Variants in NRXN3 observed in about 807,000 individuals in gnomAD.
The protein encoded by NRXN3 is neurexin III.
A neutral mutation model predicts 137.6 loss-of-function variants in NRXN3; 32 were observed. That is an observed-to-expected ratio of 0.23 (90% CI 0.18 to 0.31). The LOEUF is 0.31. Ranked by LOEUF, NRXN3 falls within the 10% of genes least tolerant of loss-of-function variation. The pLI, the probability that NRXN3 is intolerant of heterozygous loss-of-function variation, is 1.00. For synonymous variants in NRXN3, 798 were observed against 784.5 expected (o/e 1.02, Z -0.29); for missense variants, 1,574 against 2,062.5 (o/e 0.76, Z 4.59).
At chr14:79,850,583 G>A (rs1310404754) in intron 20 of NRXN3, among the ~76,000 whole-genome samples, 1 of 152,124 alleles carries the variant, frequency 6.6e-6, no homozygotes, top group Non-Finnish European at 1.5e-5. Flanking sequence ...ATTAGGACAT[G>A]GTGGGATAAA....
chr14:79,617,917 C>CAAAAAAAAAAAAAAAAAAAAAA lies in NRXN3; in HGVS notation c.3445-45846_3445-45845insAAAAAAAAAAAAAAAAAAAAAA, dbSNP rs1162153685. 2.8e-3 allele frequency among the ~76,000 whole-genome samples: 256 copies of CAAAAAAAAAAAAAAAAAAAAAA among 91,230 alleles called. 24 individuals are homozygous for CAAAAAAAAAAAAAAAAAAAAAA. The highest frequency in any genetic ancestry group is 0.02 in the East Asian group (57 of 2,862). 59.9% of individuals were successfully genotyped at this position (91,230 alleles called of 152,430 possible). On this transcript the variant is annotated intron_variant, in intron 16 of 20. Transcript: ENST00000335750. ...TTCAGAGATAGGAGCTGAATAGCAG[C>CAAAAAAAAAAAAAAAAAAAAAA]AAAAAAAAAAAAAAACATGCTTATG...
chr14:79,437,454 C>T (rs2095863238), intron 15 of NRXN3, among the ~76,000 whole-genome samples: 1 of 151,484 alleles, frequency 6.6e-6, no homozygotes, highest in African/African-American at 2.4e-5. Flanking sequence ...CCCATTAAAC[C>T]TCTAGTTTAA....
At chr14:78,763,604 A>G (rs1256776044) in intron 8 of NRXN3, among the ~76,000 whole-genome samples, 1 of 152,194 alleles carries the variant, frequency 6.6e-6, no homozygotes, top group Non-Finnish European at 1.5e-5. Context: ...ATAATGACAC[A>G]TGATGGTGAT....
intron 4 of NRXN3, among the ~76,000 whole-genome samples, chr14:78,536,027 A>G (rs750007625): frequency 1.3e-5 from 2 of 152,120 alleles, no homozygotes; most frequent in Non-Finnish European, 2.9e-5. Context: ...TAATTCTTAA[A>G]GCAAAAAATG....
At chr14:78,319,489 C>T (rs923187068) in intron 4 of NRXN3, among the ~76,000 whole-genome samples, 1 of 152,150 alleles carries the variant, frequency 6.6e-6, no homozygotes, top group South Asian at 2.1e-4. Context: ...TTCTGGGGGC[C>T]TACATGATTC....
chr14:79,500,065 C>G (rs1316205504), intron 16 of NRXN3, among the ~76,000 whole-genome samples: 3 of 150,728 alleles, frequency 2.0e-5, no homozygotes, highest in Admixed American at 2.0e-4. Context: ...GGTTATAAAT[C>G]TAGACTTATG....
At chr14:79,164,429 TTTTG>T (rs2061100550) in intron 15 of NRXN3, among the ~76,000 whole-genome samples, 1 of 152,034 alleles carries the variant, frequency 6.6e-6, no homozygotes, top group African/African-American at 2.4e-5. Context: ...ATCTAGTCCA[TTTTG>T]TTTATGTGTC....
intron 15 of NRXN3, among the ~76,000 whole-genome samples, chr14:79,013,097 A>G (rs1463112066): frequency 1.3e-5 from 2 of 152,118 alleles, no homozygotes; most frequent in Non-Finnish European, 1.5e-5. Flanking sequence ...TAGCTATGGG[A>G]CTTTTCAGCT....
chr14:79,618,352 CT>C (rs1158247564), intron 16 of NRXN3, among the ~76,000 whole-genome samples: 1 of 152,196 alleles, frequency 6.6e-6, no homozygotes, highest in African/African-American at 2.4e-5. Context: ...TTCCCTCCCC[CT>C]CTAGTAATCC....
intron 4 of NRXN3, among the ~76,000 whole-genome samples, chr14:78,543,553 G>A (rs1038276848): frequency 4.6e-5 from 7 of 152,062 alleles, no homozygotes; most frequent in Middle Eastern, 3.2e-3. Context: ...CATCTCTCTT[G>A]GTGGGGGTCT....
In NRXN3 at chr14:78,573,101, C is replaced by T. The variant is rs1305159719; in HGVS notation, c.758-72019C>T. On this transcript the variant is annotated intron_variant, in intron 4 of 20. Coordinates refer to ENST00000335750, the MANE Select transcript of NRXN3 (RefSeq NM_001330195.2). ...ACCCCTTTTGCTTGGCACTCATTCT[C>T]TATCCTACTGCCCCGTGAAGAGATG... 1.3e-5 allele frequency among the ~76,000 whole-genome samples: 2 copies of T among 152,206 alleles called. 1 individual carries two copies. Among genetic ancestry groups the T allele is most frequent in the African/African-American group, 4.8e-5 (2 of 41,452 alleles).
chr14:79,640,454 C>T (rs571223967), intron 16 of NRXN3, among the ~76,000 whole-genome samples: 1 of 135,778 alleles, frequency 7.4e-6, no homozygotes, highest in South Asian at 2.3e-4. Flanking sequence ...TACCAAGAAA[C>T]ACTTTTTGCA....
chr14:78,651,140 T>C (rs977874185), intron 5 of NRXN3, 25 bp from the exon 6 acceptor site: 8 of 1,605,950 alleles, frequency 5.0e-6, no homozygotes, highest in Non-Finnish European at 6.8e-6. Context: ...TTGGGATTTT[T>C]TTTGTCCCTA....
chr14:78,238,601 G>A (rs1014185783), intron 1 of NRXN3, among the ~76,000 whole-genome samples: 3 of 152,256 alleles, frequency 2.0e-5, no homozygotes, highest in Admixed American at 6.5e-5. Flanking sequence ...GAGGCTGCAG[G>A]AATGTCCAAA....
chr14:78,483,573 A>G (rs1240156448), intron 4 of NRXN3, among the ~76,000 whole-genome samples: 1 of 152,254 alleles, frequency 6.6e-6, no homozygotes. Flanking sequence ...GAATTCTAAT[A>G]AGGCATTTAG....
intron 10 of NRXN3, among the ~76,000 whole-genome samples, chr14:78,951,527 C>T (rs1370248247): frequency 6.6e-6 from 1 of 152,140 alleles, no homozygotes; most frequent in Admixed American, 6.5e-5. Flanking sequence ...AGTCCTCACT[C>T]CCTACCCCCA....
At chr14:78,792,257 C>A (rs1182644664) in intron 8 of NRXN3, among the ~76,000 whole-genome samples, 19 of 19,456 alleles carry the variant, frequency 9.8e-4, no homozygotes, top group South Asian at 4.2e-3. Context: ...AGACTAAAGG[C>A]AAAAAAAAAA....
chr14:78,448,884 A>G (rs1598807584), intron 4 of NRXN3, among the ~76,000 whole-genome samples: 1 of 152,260 alleles, frequency 6.6e-6, no homozygotes, highest in East Asian at 1.9e-4. Flanking sequence ...TTGGGCTTCC[A>G]CATTTGGGAA....
At position 78,944,705 on chromosome 14, in the gene NRXN3, C is replaced by T. The variant is rs150920450; in HGVS notation, c.2276-12537C>T. On this transcript the variant is annotated intron_variant, in intron 10 of 20. Coordinates refer to ENST00000335750, the MANE Select transcript of NRXN3 (RefSeq NM_001330195.2). The stretch of plus-strand genomic sequence containing the variant: ...GGACAAAAATGATTCTCCCCTGGAG[C>T]CTTTATGACCTGCTCACAACTTGAT... 2.2e-3 allele frequency among the ~76,000 whole-genome samples: 329 copies of T among 152,284 alleles called. 1 individual carries two copies. The highest frequency in any genetic ancestry group is 7.5e-3 in the African/African-American group (313 of 41,554).
Sources: gnomAD v4.1 joint callset for allele counts (sites outside exome capture counted in the v4.1 genomes callset) on GRCh38, gnomAD v4.1.1 for gene constraint, MANE v1.5 for transcripts, NCBI Gene and HGNC (gene_info 2026-07-23, HGNC 2026-07-21) for gene names.